Variants in HPSE2 observed in about 807,000 individuals in gnomAD.
HPSE2 encodes the protein heparanase 2 (inactive).
A neutral mutation model predicts 60.5 loss-of-function variants in HPSE2; 38 were observed. The observed-to-expected ratio is 0.63, with a 90% CI of 0.48 to 0.82. The LOEUF is 0.82. Ranked by LOEUF, HPSE2 falls within the 40% of genes least tolerant of loss-of-function variation. The probability of loss-of-function intolerance (pLI) is 0.00; values close to 1 mark genes in which losing one functional copy is unlikely to be tolerated. For synonymous variants in HPSE2, 295 were observed against 293.2 expected (o/e 1.01, Z -0.06); for missense variants, 713 against 740.4 (o/e 0.96, Z 0.43).
At chr10:98,977,681 T>G (rs1281211983) in intron 3 of HPSE2, among the ~76,000 whole-genome samples, 2 of 152,138 alleles carry the variant, frequency 1.3e-5, no homozygotes, top group Non-Finnish European at 2.9e-5. Context: ...TCTTCCATAG[T>G]GTCTTCCATT....
intron 2 of HPSE2, among the ~76,000 whole-genome samples, chr10:99,202,897 C>G (rs1468529790): frequency 6.6e-6 from 1 of 152,152 alleles, no homozygotes; most frequent in Non-Finnish European, 1.5e-5. Context: ...TGTCACCCCT[C>G]CTCCGACTCT....
At chr10:98,608,285 G>C (rs1458527607) in intron 9 of HPSE2, among the ~76,000 whole-genome samples, 3 of 152,174 alleles carry the variant, frequency 2.0e-5, no homozygotes, top group Non-Finnish European at 2.9e-5. Context: ...CTAGAAAATT[G>C]TGGTGTGCAT....
intron 3 of HPSE2, among the ~76,000 whole-genome samples, chr10:98,756,209 A>G (rs184234894): frequency 6.6e-6 from 1 of 152,250 alleles, no homozygotes; most frequent in African/African-American, 2.4e-5. Context: ...CTAAACACCC[A>G]CATGAAAAAG....
chr10:99,225,360 G>A (rs1185107186), intron 2 of HPSE2, among the ~76,000 whole-genome samples: 1 of 151,954 alleles, frequency 6.6e-6, no homozygotes, highest in Non-Finnish European at 1.5e-5. Context: ...AATCACACCT[G>A]GGCCCCATTA....
intron 9 of HPSE2, among the ~76,000 whole-genome samples, chr10:98,492,230 C>T (rs548626174): frequency 7.1e-4 from 108 of 152,234 alleles, no homozygotes; most frequent in South Asian, 4.1e-3. Context: ...ATTATGTTTA[C>T]GGTGGCTCAC....
intron 3 of HPSE2, among the ~76,000 whole-genome samples, chr10:99,080,202 G>A (rs566657861): frequency 6.6e-6 from 1 of 152,162 alleles, no homozygotes; most frequent in South Asian, 2.1e-4. Context: ...GCTCAATAAT[G>A]TCTTATTTAA....
Position 98,792,081 on chromosome 10 carries a change from T to C in HPSE2, c.611-48025A>G, listed in dbSNP as rs141509205. Among the ~76,000 whole-genome samples the C allele has an allele frequency of 2.0e-5, 3 of 152,296 alleles. No homozygotes were observed. In the East Asian group the frequency reaches 5.8e-4, roughly 29 times the overall value. ...GCTTTGTGTAAAACTGAGTATAATA[T>C]TGAGCTAAACCAAAAATAATTTATA... On this transcript the variant is annotated intron_variant, in intron 3 of 11. Transcript: ENST00000370552.
chr10:98,640,375 C>T (rs904131677), intron 7 of HPSE2, among the ~76,000 whole-genome samples: 10 of 152,202 alleles, frequency 6.6e-5, no homozygotes, highest in African/African-American at 2.2e-4. Flanking sequence ...CTGGCCAATG[C>T]ACCTGATCCC....
At chr10:99,064,711 C>A (rs1390074760) in intron 3 of HPSE2, among the ~76,000 whole-genome samples, 1 of 148,608 alleles carries the variant, frequency 6.7e-6, no homozygotes, top group African/African-American at 2.5e-5. Flanking sequence ...TAATATTATT[C>A]TAAAATACAC....
intron 2 of HPSE2, among the ~76,000 whole-genome samples, chr10:99,192,948 G>A (rs1394726885): frequency 6.6e-6 from 1 of 151,984 alleles, no homozygotes; most frequent in Non-Finnish European, 1.5e-5. Context: ...ACATCTGAAA[G>A]TAGAAAACTC....
At chr10:98,512,623 G>T (rs1591295099) in intron 9 of HPSE2, among the ~76,000 whole-genome samples, 1 of 151,612 alleles carries the variant, frequency 6.6e-6, no homozygotes, top group South Asian at 2.1e-4. Flanking sequence ...CCCATTTCTT[G>T]CTGGGTAAAG....
At chr10:98,501,810 C>T (rs960185401) in intron 9 of HPSE2, among the ~76,000 whole-genome samples, 1 of 152,152 alleles carries the variant, frequency 6.6e-6, no homozygotes, top group Non-Finnish European at 1.5e-5. Context: ...AAGACTCCTC[C>T]AAGAAAGCTC....
At chr10:99,129,009 C>T (rs775886743) in intron 3 of HPSE2, among the ~76,000 whole-genome samples, 13 of 151,896 alleles carry the variant, frequency 8.6e-5, no homozygotes, top group African/African-American at 2.7e-4. Context: ...ACTCTTATAT[C>T]GGAAAAAACA....
At chr10:98,866,862 A>T (rs185580987) in intron 3 of HPSE2, among the ~76,000 whole-genome samples, 1 of 152,318 alleles carries the variant, frequency 6.6e-6, no homozygotes, top group African/African-American at 2.4e-5. Context: ...AGAATACCTG[A>T]ACTATAAGAA....
rs1413295363 is a variant in HPSE2, at chr10:98,457,367, C to CA, written c.*2206dup. On this transcript the variant is annotated 3_prime_UTR_variant, in exon 12 of 12. Transcript: ENST00000370552. ...AGGCTCTGGATTATTTCGCGCTCGG[C>CA]AACCCATTTCCCCGGGTGCCCCTGG... 4 of 152,258 alleles carry CA rather than the reference C, an allele frequency of 2.6e-5. No individual in the cohort carries two copies. The highest frequency in any genetic ancestry group is 4.4e-5 in the Non-Finnish European group (3 of 68,076). The allele number at this position is 152,258 out of a possible 1,614,324, so 9.4% of individuals were successfully genotyped here. A position where few individuals can be genotyped will look rare whatever the true frequency, so the allele number is the denominator to read the frequency against.
At chr10:99,179,214 C>A (rs1436916612) in intron 2 of HPSE2, among the ~76,000 whole-genome samples, 1 of 152,114 alleles carries the variant, frequency 6.6e-6, no homozygotes, top group Non-Finnish European at 1.5e-5. Flanking sequence ...CAGCAAAAGA[C>A]AAGGATGCCC....
chr10:98,468,238 A>G (rs1237849873), intron 11 of HPSE2, among the ~76,000 whole-genome samples: 1 of 152,090 alleles, frequency 6.6e-6, no homozygotes, highest in Non-Finnish European at 1.5e-5. Context: ...AGTTCGTCTG[A>G]AATTGCCTTG....
At chr10:98,478,532 T>C (rs1302179139) in intron 11 of HPSE2, among the ~76,000 whole-genome samples, 1 of 152,222 alleles carries the variant, frequency 6.6e-6, no homozygotes, top group Non-Finnish European at 1.5e-5. Context: ...ATTAATAGGC[T>C]ACCTCCTGAG....
At chr10:99,028,252 G>C (rs1429058151) in intron 3 of HPSE2, among the ~76,000 whole-genome samples, 1 of 152,034 alleles carries the variant, frequency 6.6e-6, no homozygotes. Context: ...AAAAACTAAA[G>C]ACTCCACTAA....
Sources: gnomAD v4.1 joint callset for allele counts (sites outside exome capture counted in the v4.1 genomes callset) on GRCh38, gnomAD v4.1.1 for gene constraint, MANE v1.5 for transcripts, NCBI Gene and HGNC (gene_info 2026-07-23, HGNC 2026-07-21) for gene names.